The following RBFOX1 variants were observed in gnomAD, a reference collection of about 807,000 sequenced individuals.
The protein encoded by RBFOX1 is RNA binding fox-1 homolog 1.
Under a neutral mutation model 57.7 loss-of-function variants are expected in RBFOX1, and 8 were observed. The observed-to-expected ratio is 0.14, with a 90% CI of 0.08 to 0.25. The LOEUF (loss-of-function observed/expected upper bound fraction) is 0.25. Ranked by LOEUF, RBFOX1 falls within the 10% of genes least tolerant of loss-of-function variation. RBFOX1 has a pLI of 1.00. For missense variants in RBFOX1, 611 were observed against 548.5 expected (o/e 1.11, Z -1.14); for synonymous variants, 326 against 222.4 (o/e 1.47, Z -4.15).
At chr16:7,496,095 C>T (rs778907966) in intron 4 of RBFOX1, among the ~76,000 whole-genome samples, 1 of 152,132 alleles carries the variant, frequency 6.6e-6, no homozygotes, top group Non-Finnish European at 1.5e-5. Context: ...AGCAGTGAGT[C>T]AGTGCACACA....
intron 1 of RBFOX1, among the ~76,000 whole-genome samples, chr16:6,091,757 G>A (rs2096178224): frequency 6.6e-6 from 1 of 152,120 alleles, no homozygotes; most frequent in Non-Finnish European, 1.5e-5. Context: ...CTTGAACCTG[G>A]GAGTTGGAGG....
intron 2 of RBFOX1, among the ~76,000 whole-genome samples, chr16:6,612,863 A>AAAAAAAAT (rs59339311): frequency 6.8e-5 from 9 of 132,240 alleles, no homozygotes; most frequent in African/African-American, 2.3e-4. Context: ...AAAAAAAAAA[A>AAAAAAAAT]AATAATAATA....
At position 6,752,899 on chromosome 16, in the gene RBFOX1, T is replaced by C. The variant is rs1403576549; in HGVS notation, c.-16+98249T>C. Among the ~76,000 whole-genome samples the C allele has an allele frequency of 2.0e-5, 3 of 152,244 alleles. No individual in the cohort carries two copies. In the East Asian group the frequency reaches 5.8e-4, roughly 30 times the overall value. ...GCAGTTCCTCTGTTCTCCCAGAGAA[T>C]TTTTATCTTCCTGTTGGCAATATGT... is the stretch of plus-strand genomic sequence containing the variant. On this transcript the variant is annotated intron_variant, in intron 3 of 15. Transcript: ENST00000550418.
At chr16:7,066,754 G>A (rs969253269) in intron 4 of RBFOX1, among the ~76,000 whole-genome samples, 1 of 152,122 alleles carries the variant, frequency 6.6e-6, no homozygotes, top group Non-Finnish European at 1.5e-5. Context: ...TTCTTTGTAT[G>A]CCAGGGTTTT....
intron 4 of RBFOX1, among the ~76,000 whole-genome samples, chr16:7,183,890 G>C (rs79584892): frequency 6.6e-6 from 1 of 152,170 alleles, no homozygotes; most frequent in East Asian, 1.9e-4. Context: ...TTCTAATTGA[G>C]GGAGTAGTTT....
chr16:6,885,671 A>G (rs1357277125), intron 3 of RBFOX1, among the ~76,000 whole-genome samples: 1 of 151,952 alleles, frequency 6.6e-6, no homozygotes, highest in Non-Finnish European at 1.5e-5. Context: ...AGCTGGGATT[A>G]CAGGCCCCTG....
At chr16:5,908,674 G>A (rs147980050) in intron 4 of RBFOX1, among the ~76,000 whole-genome samples, 4 of 152,078 alleles carry the variant, frequency 2.6e-5, no homozygotes, top group Non-Finnish European at 5.9e-5. Flanking sequence ...TAAAAGTGTG[G>A]CAGGGCATTG....
chr16:7,066,091 G>C (rs985889336), intron 4 of RBFOX1, among the ~76,000 whole-genome samples: 1 of 152,184 alleles, frequency 6.6e-6, no homozygotes, highest in Non-Finnish European at 1.5e-5. Flanking sequence ...TGTTTTGATA[G>C]TATTTGCATG....
chr16:7,408,466 C>T (rs1198494834), intron 4 of RBFOX1, among the ~76,000 whole-genome samples: 4 of 152,162 alleles, frequency 2.6e-5, no homozygotes, highest in African/African-American at 9.7e-5. Flanking sequence ...CGTAAATATC[C>T]TTAAATTATA....
At chr16:6,996,866 A>G (rs906942989) in intron 3 of RBFOX1, among the ~76,000 whole-genome samples, 1 of 152,176 alleles carries the variant, frequency 6.6e-6, no homozygotes, top group Non-Finnish European at 1.5e-5. Flanking sequence ...GGCTGAAAGA[A>G]TAACACATCT....
chr16:6,085,723 T>C (rs1174904892), intron 1 of RBFOX1, among the ~76,000 whole-genome samples: 1 of 152,150 alleles, frequency 6.6e-6, no homozygotes, highest in East Asian at 1.9e-4. Flanking sequence ...ATGCAGCCCG[T>C]GGCGCTTAAA....
At chr16:6,226,374 C>CAAAAAAAAAA (rs368116983) in intron 1 of RBFOX1, among the ~76,000 whole-genome samples, 1 of 86,564 alleles carries the variant, frequency 1.2e-5, no homozygotes, top group Non-Finnish European at 2.0e-5. Context: ...ACTCTGTCTC[C>CAAAAAAAAAA]AAAAAAAAAA....
intron 1 of RBFOX1, among the ~76,000 whole-genome samples, chr16:6,178,679 A>G (rs1032309161): frequency 6.6e-6 from 1 of 152,168 alleles, no homozygotes; most frequent in Non-Finnish European, 1.5e-5. Context: ...GGATGATCCT[A>G]GAGGGTATCT....
chr16:5,839,907 A>G (rs890749321), intron 3 of RBFOX1, among the ~76,000 whole-genome samples: 1 of 152,230 alleles, frequency 6.6e-6, no homozygotes, highest in Non-Finnish European at 1.5e-5. Flanking sequence ...AACCCCTATG[A>G]GCAATCAAGA....
At chr16:7,403,231 T>C (rs2098274430) in intron 4 of RBFOX1, among the ~76,000 whole-genome samples, 1 of 152,192 alleles carries the variant, frequency 6.6e-6, no homozygotes, top group Non-Finnish European at 1.5e-5. Context: ...GTTCCGTTTT[T>C]TGGTGAGATC....
chr16:7,216,766 C>G (rs2092122035), intron 4 of RBFOX1, among the ~76,000 whole-genome samples: 5 of 152,124 alleles, frequency 3.3e-5, no homozygotes, highest in South Asian at 2.1e-4. Context: ...TATAATTCCT[C>G]TTTTCATTAC....
At chr16:7,431,631 A>C (rs1281491969) in intron 4 of RBFOX1, among the ~76,000 whole-genome samples, 1 of 152,214 alleles carries the variant, frequency 6.6e-6, no homozygotes, top group Non-Finnish European at 1.5e-5. Flanking sequence ...TGCAACCGCC[A>C]TCACTGTCCA....
chr16:6,578,550 A>G (rs950388183), intron 2 of RBFOX1, among the ~76,000 whole-genome samples: 6 of 127,938 alleles, frequency 4.7e-5, no homozygotes, highest in African/African-American at 1.3e-4. Context: ...CCTAAACTCC[A>G]AACATTGTGC....
chr16:5,459,251 A>T (rs1338641369), intron 1 of RBFOX1, among the ~76,000 whole-genome samples: 2 of 152,190 alleles, frequency 1.3e-5, no homozygotes, highest in Non-Finnish European at 2.9e-5. Flanking sequence ...TTAGGGCCTC[A>T]TCCTAATCTC....
Sources: gnomAD v4.1 joint callset for allele counts (sites outside exome capture counted in the v4.1 genomes callset) on GRCh38, gnomAD v4.1.1 for gene constraint, MANE v1.5 for transcripts, NCBI Gene and HGNC (gene_info 2026-07-23, HGNC 2026-07-21) for gene names.